ARHGEF17: variants seen among roughly 807,000 people sequenced by gnomAD.
ARHGEF17 encodes the protein Rho guanine nucleotide exchange factor 17.
Under a neutral mutation model 174.0 loss-of-function variants are expected in ARHGEF17, and 80 were observed. The ratio of observed to expected loss-of-function variants is 0.46; its 90% CI spans 0.38 to 0.55. The LOEUF is 0.55. Ranked by LOEUF, ARHGEF17 falls within the 20% of genes least tolerant of loss-of-function variation. ARHGEF17 has a pLI of 0.00. For synonymous variants in ARHGEF17, 1,311 were observed against 1,189.1 expected (o/e 1.10, Z -2.11); for missense variants, 2,886 against 2,839.7 (o/e 1.02, Z -0.37).
intron 3 of ARHGEF17, among the ~76,000 whole-genome samples, chr11:73,353,648 C>T (rs1865591562): frequency 6.6e-6 from 1 of 152,088 alleles, no homozygotes; most frequent in South Asian, 2.1e-4. Context: ...GACTCAACTC[C>T]AGAAAGCCTG....
intron 1 of ARHGEF17, chr11:73,343,197 C>T: frequency 2.5e-6 from 1 of 397,904 alleles, no homozygotes; most frequent in Non-Finnish European, 4.4e-6. Context: ...GGAAGACATG[C>T]GCGATATGGG....
Position 73,309,451 on chromosome 11 carries a change from C to T in ARHGEF17, c.813C>T (p.Gly271=), listed in dbSNP as rs1864766023. 1 of 1,540,300 alleles carries T rather than the reference C, an allele frequency of 6.5e-7. No homozygotes were observed. The highest frequency in any genetic ancestry group is 8.8e-7 in the Non-Finnish European group (1 of 1,141,776). ...LPGAQSPAYH[G]GHSSGSDDDR... Reference sequence around the variant, plus strand: ...GAGCCCAGAGTCCGGCCTACCACGGCGGCCACTCCTCGGGCAGTGACGACG... The same window carrying T: ...GAGCCCAGAGTCCGGCCTACCACGGTGGCCACTCCTCGGGCAGTGACGACG... Residue 271 remains glycine (G), a synonymous_variant, in exon 1 of 21, where the codon GGC becomes GGT. Coordinates refer to ENST00000263674, the MANE Select transcript of ARHGEF17 (RefSeq NM_014786.4).
chr11:73,352,866 G>C lies in ARHGEF17; in HGVS notation c.3307G>C (p.Val1103Leu). 6.2e-7 allele frequency: 1 copy of C among 1,614,106 alleles called. No homozygotes were observed. The highest frequency in any genetic ancestry group is 8.5e-7 in the Non-Finnish European group (1 of 1,180,034). ...GCCGCTGAAGCAGCCAGAGAACTCC[G>C]TGCTCTGTGACCCTTCACTGGTGGA... ...MQPLKQPENS[V>L]LCDPSLVDEI... The change falls in exon 3 of 21, where the codon GTG becomes CTG. Residue 1103 changes from valine (V) to leucine (L), a missense_variant. By Grantham distance (32) the Val-to-Leu change is conservative. Coordinates refer to ENST00000263674, the MANE Select transcript of ARHGEF17 (RefSeq NM_014786.4).
intron 10 of ARHGEF17, among the ~76,000 whole-genome samples, 155 bp from the exon 11 acceptor site, chr11:73,360,165 A>G: frequency 6.6e-6 from 1 of 152,170 alleles, no homozygotes; most frequent in Non-Finnish European, 1.5e-5. Context: ...AGGGTGACAG[A>G]GGCCCCATCC....
intron 1 of ARHGEF17, among the ~76,000 whole-genome samples, chr11:73,312,702 A>T (rs1039287069): frequency 1.3e-5 from 2 of 151,720 alleles, no homozygotes; most frequent in African/African-American, 4.8e-5. Flanking sequence ...TCTGGGCCCC[A>T]TATTCAGGGC....
intron 1 of ARHGEF17, among the ~76,000 whole-genome samples, chr11:73,312,113 C>T (rs545865402): frequency 1.1e-3 from 170 of 152,262 alleles, no homozygotes; most frequent in African/African-American, 3.9e-3. Context: ...CTTATCTTGT[C>T]CTTTGGATGT....
intron 12 of ARHGEF17, among the ~76,000 whole-genome samples, chr11:73,361,436 C>T (rs2134421286): frequency 6.6e-6 from 1 of 152,278 alleles, no homozygotes; most frequent in Admixed American, 6.5e-5. Flanking sequence ...TATGAGGCTG[C>T]ATACATATGT....
rs1428514179 is a variant in ARHGEF17 at position 73,311,846 on chromosome 11, G to A, written c.3192+16G>A. The A allele has an allele frequency of 6.3e-7, 1 of 1,577,862 alleles. No individual in the cohort carries two copies. The highest frequency in any genetic ancestry group is 8.6e-7 in the Non-Finnish European group (1 of 1,157,288). ...GCCACAGGTGGTGAGTCCTTTGTAGGGGCCTTCAGATTGGGGCCAAAGAAG... is the reference window on the plus strand; with the variant it reads ...GCCACAGGTGGTGAGTCCTTTGTAGAGGCCTTCAGATTGGGGCCAAAGAAG... On this transcript the variant is annotated intron_variant, in intron 1 of 20. Coordinates refer to ENST00000263674, the MANE Select transcript of ARHGEF17 (RefSeq NM_014786.4).
chr11:73,310,653 C>T lies in ARHGEF17; in HGVS notation c.2015C>T (p.Ser672Phe). ...LGTTGMWRPL[S>F]SSSAQTNHHG... is the part of the protein sequence containing the mutation. ...ACCACAGGGATGTGGCGACCTCTTT[C>T]CTCATCCTCGGCCCAGACGAACCAC... Residue 672 changes from serine (S) to phenylalanine (F), a missense_variant, in exon 1 of 21, where the codon TCC (serine) becomes TTC (phenylalanine). Physicochemically the swap from Ser to Phe is radical, Grantham distance 155. Around this residue, in one of 4 missense-constraint regions of ARHGEF17, gnomAD observed 1,728 missense variants for 1,461.2 expected, o/e 1.18. Transcript: ENST00000263674. 6.2e-7 allele frequency: 1 copy of T among 1,614,064 alleles called. No individual in the cohort carries two copies. The highest frequency in any genetic ancestry group is 8.5e-7 in the Non-Finnish European group (1 of 1,180,028).
intron 2 of ARHGEF17, among the ~76,000 whole-genome samples, chr11:73,347,916 G>T (rs755611174): frequency 7.9e-5 from 12 of 152,274 alleles, no homozygotes; most frequent in East Asian, 1.9e-4. Context: ...GGTTGGTTGT[G>T]GGGGGCAAGG....
rs1019628123 is a variant in ARHGEF17 at position 73,352,904 on chromosome 11, C to G, written c.3345C>G (p.Asp1115Glu). Residue 1115 changes from aspartate to glutamate, a missense_variant, in exon 3 of 21, where the codon GAC becomes GAG. This residue lies in a region of ARHGEF17 where 353 missense variants were observed against 470.3 expected (regional missense o/e 0.75). Coordinates refer to ENST00000263674, the MANE Select transcript of ARHGEF17 (RefSeq NM_014786.4). ...CTTCACTGGTGGACGAGATCTTCGA[C>G]CAGATCCCCGAGCTCCTGGAGCACC... is the stretch of plus-strand genomic sequence containing the variant. ...CDPSLVDEIF[D>E]QIPELLEHHE... 2 of 1,614,020 alleles carry G rather than the reference C, an allele frequency of 1.2e-6. No individual in the cohort carries two copies. The highest frequency in any genetic ancestry group is 1.7e-6 in the Non-Finnish European group (2 of 1,180,050).
chr11:73,355,586 C>T lies in ARHGEF17; in HGVS notation c.3507C>T (p.Leu1169=). ...ATTCTGCCTATATCGATAACTTCCTCAATGCAAAGGATGCTGTGCGTGTGG... is the reference window on the plus strand; with the variant it reads ...ATTCTGCCTATATCGATAACTTCCTTAATGCAAAGGATGCTGTGCGTGTGG... ...NIYSAYIDNF[L]NAKDAVRVAK... Residue 1169 remains leucine (L), a synonymous_variant, in exon 4 of 21, where the codon CTC becomes CTT. Transcript: ENST00000263674. 1 of 1,614,212 alleles carries T rather than the reference C, an allele frequency of 6.2e-7. No homozygotes were observed. Among genetic ancestry groups the T allele is most frequent in the Non-Finnish European group, 8.5e-7 (1 of 1,180,006 alleles).
chr11:73,344,591 CAG>C (rs1865430328), intron 1 of ARHGEF17, among the ~76,000 whole-genome samples: 1 of 152,222 alleles, frequency 6.6e-6, no homozygotes, highest in Non-Finnish European at 1.5e-5. Flanking sequence ...GCCCTGCTGT[CAG>C]GGAGCTCCCC....
intron 2 of ARHGEF17, among the ~76,000 whole-genome samples, chr11:73,349,006 A>G (rs1591750332): frequency 6.6e-6 from 1 of 152,294 alleles, no homozygotes; most frequent in East Asian, 1.9e-4. Flanking sequence ...AGGAACCTAG[A>G]GCAGCAGGGA....
chr11:73,310,185 A>G lies in ARHGEF17; in HGVS notation c.1547A>G (p.Gln516Arg). Residue 516 changes from glutamine (Q) to arginine (R), a missense_variant, in exon 1 of 21, where the codon CAA becomes CGA. By Grantham distance (43) the Gln-to-Arg change is conservative. Coordinates refer to ENST00000263674, the MANE Select transcript of ARHGEF17 (RefSeq NM_014786.4). ...CCATCCGCAGGTGGCCCTGTGGGGC[A>G]ACTTGAACCCATACCCATCCCAGCC... Reference protein sequence around the residue: ...DSPSAGGPVGQLEPIPIPAPA... With the variant: ...DSPSAGGPVGRLEPIPIPAPA... 1 of 1,613,930 alleles carries G rather than the reference A, an allele frequency of 6.2e-7. No homozygotes were observed. The highest frequency in any genetic ancestry group is 2.2e-5 in the East Asian group (1 of 44,866).
In ARHGEF17 at chr11:73,309,238, G is replaced by T. The variant is rs1418133657; in HGVS notation, c.600G>T (p.Pro200=). The change falls in exon 1 of 21, where the codon CCG becomes CCT. Residue 200 remains proline (P), a synonymous_variant. Coordinates refer to ENST00000263674, the MANE Select transcript of ARHGEF17 (RefSeq NM_014786.4). ...AGACCGAAGGGAGGCTGCGCCGGCCGCAGCAGCAACAGGAGCGGGCGCAGC... is the reference window on the plus strand; with the variant it reads ...AGACCGAAGGGAGGCTGCGCCGGCCTCAGCAGCAACAGGAGCGGGCGCAGC... ...GPETEGRLRR[P]QQQQERAQRP... The T allele has an allele frequency of 6.2e-7, 1 of 1,603,736 alleles. No homozygotes were observed. Among genetic ancestry groups the T allele is most frequent in the East Asian group, 2.3e-5 (1 of 44,058 alleles).
chr11:73,361,939 C>G (rs1865745802), intron 12 of ARHGEF17, 101 bp from the exon 13 acceptor site: 8 of 1,395,944 alleles, frequency 5.7e-6, no homozygotes, highest in African/African-American at 1.4e-5. Context: ...CACACCCATG[C>G]AGGCCTGCCT....
chr11:73,328,839 G>A (rs1277871521), intron 1 of ARHGEF17, among the ~76,000 whole-genome samples: 1 of 152,106 alleles, frequency 6.6e-6, no homozygotes, highest in Non-Finnish European at 1.5e-5. Context: ...TCAGGCCTGT[G>A]TCACCAGGGC....
Position 73,362,177 on chromosome 11 carries a change from C to A in ARHGEF17, c.4632C>A (p.Ala1544=), listed in dbSNP as rs755863316. 6.3e-6 allele frequency: 10 copies of A among 1,589,142 alleles called. No homozygotes were observed. Among genetic ancestry groups the A allele is most frequent in the Non-Finnish European group, 8.5e-6 (10 of 1,171,018 alleles). The change falls in exon 13 of 21, where the codon GCC becomes GCA. Residue 1544 remains alanine (A), a synonymous_variant. Transcript: ENST00000263674. ...RAEPDVEACI[A]VCSARILCIG... ...AGCCGGACGTGGAGGCCTGCATCGC[C>A]GTCTGTTCCGCCCGCATCCTCTGCA...
Sources: allele counts gnomAD v4.1 joint callset (sites outside exome capture counted in the v4.1 genomes callset), GRCh38; gene constraint gnomAD v4.1.1; regional missense constraint gnomAD v4.1.1; transcripts MANE v1.5; gene names NCBI Gene and HGNC (gene_info 2026-07-23, HGNC 2026-07-21).